ZDHHC2: variants seen among roughly 807,000 people sequenced by gnomAD.
ZDHHC2 encodes the protein zDHHC palmitoyltransferase 2.
In ZDHHC2, 51 loss-of-function variants were observed where a neutral mutation model predicts 55.6. The ratio of observed to expected loss-of-function variants is 0.92; its 90% CI spans 0.73 to 1.16. The LOEUF is 1.16. Among genes scored for constraint, ZDHHC2 ranks in the 50% most tolerant of loss-of-function variants. ZDHHC2 has a pLI of 0.00. For missense variants in ZDHHC2, 491 were observed against 442.4 expected, an observed-to-expected ratio of 1.11 and a Z score of -0.99; for synonymous variants, 199 against 152.9, an observed-to-expected ratio of 1.30 and a Z score of -2.22.
chr8:17,212,260 C>A (rs1015518615), intron 10 of ZDHHC2, among the ~76,000 whole-genome samples: 10 of 152,134 alleles, frequency 6.6e-5, no homozygotes, highest in Non-Finnish European at 1.2e-4. Flanking sequence ...AGTTGAATAT[C>A]TTGCTGTCTA....
chr8:17,199,790 C>T lies in ZDHHC2; in HGVS notation c.476+1377C>T, dbSNP rs1243939527. On this transcript the variant is annotated intron_variant, in intron 6 of 12. Coordinates refer to ENST00000262096, the MANE Select transcript of ZDHHC2 (RefSeq NM_016353.5). ...TTTTTTTTTTTTTGAGACAGAGTCT[C>T]GCTCTGTCGCCCAGGCTGGAGTGCG... Among the ~76,000 whole-genome samples the T allele has an allele frequency of 3.2e-4, 46 of 142,140 alleles. No homozygotes were observed. The East Asian group carries it at 5.6e-3, about 17-fold the overall frequency. The allele number at this position is 142,140 out of a possible 152,430, so 93.2% of individuals were successfully genotyped here.
At position 17,213,246 on chromosome 8, in the gene ZDHHC2, A is replaced by AT. The variant is rs928080851; in HGVS notation, c.951-1981dup. ...TTCTCCGCCTCTTCCTGTTACACTG[A>AT]TTTTTTTTTTCTTTTTTTTTCTTTT... On this transcript the variant is annotated intron_variant, in intron 10 of 12. Coordinates refer to ENST00000262096, the MANE Select transcript of ZDHHC2 (RefSeq NM_016353.5). Among the ~76,000 whole-genome samples the AT allele has an allele frequency of 2.8e-3, 407 of 147,104 alleles. 1 individual carries two copies. The highest frequency in any genetic ancestry group is 8.3e-3 in the African/African-American group (329 of 39,834).
In ZDHHC2 at chr8:17,161,068, A is replaced by G. The variant is rs529353188; in HGVS notation, c.130+4215A>G. ...GGATCAGTTTGAGAGATACGCTGCC[A>G]TGTTTTCATTCTTTTAAACAAACAA... On this transcript the variant is annotated intron_variant, in intron 1 of 12. Coordinates refer to ENST00000262096, the MANE Select transcript of ZDHHC2 (RefSeq NM_016353.5). Among the ~76,000 whole-genome samples the G allele has an allele frequency of 1.1e-4, 16 of 152,334 alleles. No individual in the cohort carries two copies. In the South Asian group the frequency reaches 2.9e-3, roughly 28 times the overall value.
chr8:17,168,724 C>T (rs1005380421), intron 1 of ZDHHC2, among the ~76,000 whole-genome samples: 1 of 152,140 alleles, frequency 6.6e-6, no homozygotes, highest in Non-Finnish European at 1.5e-5. Flanking sequence ...CAGGTAGCTC[C>T]TATGAGTGGA....
intron 5 of ZDHHC2, 121 bp from the exon 6 acceptor site, chr8:17,198,260 A>G (rs1184955822): frequency 9.4e-6 from 8 of 847,676 alleles, no homozygotes; most frequent in Non-Finnish European, 1.4e-5. Context: ...AGATAAGTAA[A>G]TAATTTTGCA....
intron 1 of ZDHHC2, among the ~76,000 whole-genome samples, chr8:17,175,743 A>G (rs2150894725): frequency 1.3e-5 from 2 of 152,368 alleles, no homozygotes; most frequent in Middle Eastern, 6.8e-3. Flanking sequence ...GGGTCATGGA[A>G]AAGACACAAG....
chr8:17,183,903 A>G (rs1350719811), intron 1 of ZDHHC2, among the ~76,000 whole-genome samples: 3 of 152,102 alleles, frequency 2.0e-5, no homozygotes, highest in Non-Finnish European at 4.4e-5. Flanking sequence ...TGGACTGAGC[A>G]ATCTTAAAAA....
At chr8:17,168,659 C>T (rs924140061) in intron 1 of ZDHHC2, among the ~76,000 whole-genome samples, 2 of 152,116 alleles carry the variant, frequency 1.3e-5, no homozygotes, top group African/African-American at 4.8e-5. Context: ...ATTCTTCCCT[C>T]CCCCACCCTC....
rs1807980106 is a variant in ZDHHC2 at position 17,222,876 on chromosome 8, G to T, written c.*2655G>T. ...GTGGCCATAACATAGGTCTTGGGAG[G>T]GGTGGTGAGAAAATAAGGTATTTAC... On this transcript the variant is annotated 3_prime_UTR_variant, in exon 13 of 13. Transcript: ENST00000262096. 6.6e-6 allele frequency: 1 copy of T among 151,794 alleles called. No individual in the cohort carries two copies. The highest frequency in any genetic ancestry group is 2.1e-4 in the South Asian group (1 of 4,830). The allele number at this position is 151,794 out of a possible 1,614,324, so 9.4% of individuals were successfully genotyped here. A position where few individuals can be genotyped will look rare whatever the true frequency, so the allele number is the denominator to read the frequency against.
intron 1 of ZDHHC2, among the ~76,000 whole-genome samples, chr8:17,176,405 C>G (rs1312265167): frequency 6.6e-6 from 1 of 152,032 alleles, no homozygotes; most frequent in Non-Finnish European, 1.5e-5. Context: ...TGCTTATTTA[C>G]TGATCAGTTT....
chr8:17,211,798 C>G (rs896468733), intron 10 of ZDHHC2, among the ~76,000 whole-genome samples: 1 of 152,084 alleles, frequency 6.6e-6, no homozygotes, highest in Non-Finnish European at 1.5e-5. Flanking sequence ...GAGTTTTTTA[C>G]TAGATCATGC....
chr8:17,166,267 G>C (rs972797697), intron 1 of ZDHHC2, among the ~76,000 whole-genome samples: 3 of 152,158 alleles, frequency 2.0e-5, no homozygotes, highest in Non-Finnish European at 4.4e-5. Context: ...TCAGATTCTG[G>C]ACGTATTTTT....
rs1036830389 is a variant in ZDHHC2 at position 17,163,389 on chromosome 8, C to T, written c.130+6536C>T. ...CGAGCTCAGGTGTTTGATCTTTTTT[C>T]GTTACCATGGTGAGAAGTGTGCTAG... On this transcript the variant is annotated intron_variant, in intron 1 of 12. Coordinates refer to ENST00000262096, the MANE Select transcript of ZDHHC2 (RefSeq NM_016353.5). Among the ~76,000 whole-genome samples the T allele has an allele frequency of 3.9e-5, 6 of 152,068 alleles. No individual in the cohort carries two copies. In the East Asian group the frequency reaches 9.6e-4, roughly 24 times the overall value.
intron 1 of ZDHHC2, among the ~76,000 whole-genome samples, chr8:17,175,450 C>T (rs1478548126): frequency 6.6e-6 from 1 of 152,180 alleles, no homozygotes; most frequent in African/African-American, 2.4e-5. Flanking sequence ...AGCGTTACTA[C>T]ATGCTAATTA....
chr8:17,156,796 T>G lies in ZDHHC2; in HGVS notation c.73T>G (p.Phe25Val), dbSNP rs1276432112. ...RRVLYWIPVV[F>V]ITLLLGWSYY... ...GGTGCTGTACTGGATCCCGGTGGTG[T>G]TCATCACCCTCCTGCTCGGCTGGTC... Residue 25 changes from phenylalanine (F) to valine (V), a missense_variant, in exon 1 of 13, where the codon TTC becomes GTC. Physicochemically the swap from Phe to Val is conservative, Grantham distance 50 (BLOSUM62 -1). Coordinates refer to ENST00000262096, the MANE Select transcript of ZDHHC2 (RefSeq NM_016353.5). 1.3e-5 allele frequency: 20 copies of G among 1,520,800 alleles called. No individual in the cohort carries two copies. Among genetic ancestry groups the G allele is most frequent in the Admixed American group, 8.3e-5 (4 of 48,164 alleles). The allele number at this position is 1,520,800 out of a possible 1,614,324, so 94.2% of individuals were successfully genotyped here.
At chr8:17,192,885 C>G (rs369460046) in intron 3 of ZDHHC2, among the ~76,000 whole-genome samples, 8 of 152,290 alleles carry the variant, frequency 5.3e-5, no homozygotes, top group African/African-American at 1.9e-4. Context: ...TGCCCTTTCC[C>G]CAGTGTATGT....
chr8:17,173,327 A>G (rs117674338), intron 1 of ZDHHC2, among the ~76,000 whole-genome samples: 1 of 152,288 alleles, frequency 6.6e-6, no homozygotes, highest in Non-Finnish European at 1.5e-5. Context: ...TTGAAATGAT[A>G]ATAATACCAA....
At chr8:17,193,352 T>C (rs1292119995) in intron 3 of ZDHHC2, among the ~76,000 whole-genome samples, 1 of 152,222 alleles carries the variant, frequency 6.6e-6, no homozygotes, top group African/African-American at 2.4e-5. Context: ...AGGCAGCGAC[T>C]CTTGTTCTTC....
At chr8:17,166,502 GGA>G (rs1278780115) in intron 1 of ZDHHC2, among the ~76,000 whole-genome samples, 1 of 152,200 alleles carries the variant, frequency 6.6e-6, no homozygotes, top group Non-Finnish European at 1.5e-5. Context: ...TTGGCATTTG[GGA>G]GAGAGGTGTA....
Sources: allele counts gnomAD v4.1 joint callset (sites outside exome capture counted in the v4.1 genomes callset), GRCh38; gene constraint gnomAD v4.1.1; transcripts MANE v1.5; gene names NCBI Gene and HGNC (gene_info 2026-07-23, HGNC 2026-07-21).